Variants in TASP1 observed in about 807,000 individuals in gnomAD.
TASP1 encodes the protein threonine aspartase 1.
In TASP1, 16 loss-of-function variants were observed where a neutral mutation model predicts 56.6. The ratio of observed to expected loss-of-function variants is 0.28; its 90% confidence interval spans 0.19 to 0.43. The LOEUF is 0.43. TASP1 is among the 20% of genes least tolerant of loss of function. The pLI, the probability that TASP1 is intolerant of heterozygous loss-of-function variation, is 1.00. For synonymous variants in TASP1, 179 were observed against 184.2 expected, an observed-to-expected ratio of 0.97 and a Z score of 0.23; for missense variants, 393 against 511.6, an observed-to-expected ratio of 0.77 and a Z score of 2.24.
intron 10 of TASP1, among the ~76,000 whole-genome samples, chr20:13,499,735 T>C (rs903577358): frequency 6.8e-6 from 1 of 147,662 alleles, no homozygotes; most frequent in African/African-American, 2.4e-5. Flanking sequence ...TGTGAAATAA[T>C]AATGCTTGTT....
At chr20:13,142,563 T>G in the TASP1 span, among the ~76,000 whole-genome samples, 1 of 152,188 alleles carries the variant, frequency 6.6e-6, no homozygotes, top group Non-Finnish European at 1.5e-5. Flanking sequence ...AGATTGTATT[T>G]GCTTTCTATT....
At chr20:13,620,133 G>A (rs1480856205) in intron 4 of TASP1, among the ~76,000 whole-genome samples, 3 of 151,904 alleles carry the variant, frequency 2.0e-5, no homozygotes, top group Non-Finnish European at 4.4e-5. Context: ...GTCTTAAGAT[G>A]ACATCATTTG....
chr20:13,257,788 T>C, the TASP1 span, among the ~76,000 whole-genome samples: 50 of 152,036 alleles, frequency 3.3e-4, no homozygotes, highest in Middle Eastern at 0.014. Context: ...AAATCCACAG[T>C]GTACTGTGGG....
chr20:13,580,985 T>TTAA lies in TASP1; in HGVS notation c.404-5_404-4insTTA. 76 of 1,468,558 alleles carry TTAA rather than the reference T, an allele frequency of 5.2e-5. No individual in the cohort carries two copies. The highest frequency in any genetic ancestry group is 1.8e-4 in the Middle Eastern group (1 of 5,440). 91.0% of individuals were successfully genotyped at this position (1,468,558 alleles called of 1,614,324 possible). A position where few individuals can be genotyped will look rare whatever the true frequency, so the allele number is the denominator to read the frequency against. ...ACCGAGACTGGGTTCTTGATTCCTATAAAAAAAAAAAAAAAATTGGCAAAA... is the reference window on the plus strand; with the variant it reads ...ACCGAGACTGGGTTCTTGATTCCTATTAAAAAAAAAAAAAAAAAATTGGCAAAA... On this transcript the variant is annotated splice_region_variant and splice_polypyrimidine_tract_variant and intron_variant, in intron 5 of 13. Coordinates refer to ENST00000337743, the MANE Select transcript of TASP1 (RefSeq NM_017714.3).
intron 5 of TASP1, among the ~76,000 whole-genome samples, chr20:13,583,532 G>A (rs955580342): frequency 3.3e-5 from 5 of 152,110 alleles, no homozygotes; most frequent in African/African-American, 1.2e-4. Flanking sequence ...TTTAAACTAT[G>A]GTATGGTTTC....
At chr20:13,617,227 G>C (rs768914087) in intron 4 of TASP1, 2 of 230,936 alleles carry the variant, frequency 8.7e-6, no homozygotes, top group Non-Finnish European at 1.8e-5. Flanking sequence ...TAAACAGACA[G>C]GCAAAATAGG....
the TASP1 span, among the ~76,000 whole-genome samples, chr20:13,258,133 C>T: frequency 1.3e-5 from 2 of 152,130 alleles, no homozygotes; most frequent in East Asian, 3.8e-4. Flanking sequence ...CCAAACATTC[C>T]GTTTACCTCT....
chr20:13,349,987 T>C, the TASP1 span, among the ~76,000 whole-genome samples: 1 of 152,148 alleles, frequency 6.6e-6, no homozygotes, highest in Non-Finnish European at 1.5e-5. Context: ...CCTGTCTCTA[T>C]AAGAAATTTA....
At chr20:13,117,016 T>G in the TASP1 span, among the ~76,000 whole-genome samples, 4 of 152,240 alleles carry the variant, frequency 2.6e-5, no homozygotes, top group African/African-American at 9.6e-5. Context: ...TAATTAACAC[T>G]ATGATGTCTT....
At chr20:13,278,287 A>G in the TASP1 span, among the ~76,000 whole-genome samples, 1 of 152,188 alleles carries the variant, frequency 6.6e-6, no homozygotes, top group Non-Finnish European at 1.5e-5. Flanking sequence ...ATCTGAGAAC[A>G]AGTTCTAGCT....
intron 13 of TASP1, among the ~76,000 whole-genome samples, chr20:13,407,358 C>T (rs2041961543): frequency 6.6e-6 from 1 of 152,096 alleles, no homozygotes; most frequent in Non-Finnish European, 1.5e-5. Flanking sequence ...CTTCTTTTAC[C>T]TAGAATAATG....
the TASP1 span, among the ~76,000 whole-genome samples, chr20:13,280,532 G>A: frequency 6.6e-6 from 1 of 152,162 alleles, no homozygotes; most frequent in Admixed American, 6.5e-5. Flanking sequence ...GAGTTGGGTA[G>A]GAGAACTCAG....
chr20:13,317,072 A>C, the TASP1 span, among the ~76,000 whole-genome samples: 1 of 152,106 alleles, frequency 6.6e-6, no homozygotes, highest in East Asian at 1.9e-4. Context: ...TCTGGAATTA[A>C]TAAGCAATTA....
chr20:13,117,761 G>T, the TASP1 span: 1 of 1,564,622 alleles, frequency 6.4e-7, no homozygotes, highest in South Asian at 1.2e-5. Flanking sequence ...TTTAAAACCT[G>T]AGCGCCCTGG....
At chr20:13,270,618 C>T in the TASP1 span, 6 of 1,613,970 alleles carry the variant, frequency 3.7e-6, no homozygotes, top group Admixed American at 5.0e-5. Flanking sequence ...CCCCAGACCG[C>T]GATTCCGACA....
intron 7 of TASP1, among the ~76,000 whole-genome samples, chr20:13,563,273 A>C (rs1244981120): frequency 6.6e-6 from 1 of 152,014 alleles, no homozygotes. Flanking sequence ...AATAACTAGT[A>C]AGGAGATTGA....
chr20:13,463,195 G>A (rs572818776), intron 11 of TASP1, among the ~76,000 whole-genome samples: 1 of 152,228 alleles, frequency 6.6e-6, no homozygotes, highest in South Asian at 2.1e-4. Context: ...ATAGAATAGA[G>A]AGCCCAGAAA....
the TASP1 span, among the ~76,000 whole-genome samples, chr20:13,213,410 T>A: frequency 6.6e-6 from 1 of 152,048 alleles, no homozygotes; most frequent in Non-Finnish European, 1.5e-5. Context: ...CAAAACAAAG[T>A]GAACAAAAAA....
At chr20:13,452,514 T>G (rs534110674) in intron 11 of TASP1, among the ~76,000 whole-genome samples, 2 of 152,032 alleles carry the variant, frequency 1.3e-5, no homozygotes, top group East Asian at 3.9e-4. Flanking sequence ...TTTTAAATTT[T>G]TATATATACA....
Sources: allele counts gnomAD v4.1 joint callset (sites outside exome capture counted in the v4.1 genomes callset), GRCh38; gene constraint gnomAD v4.1.1; transcripts MANE v1.5; gene names NCBI Gene and HGNC (gene_info 2026-07-23, HGNC 2026-07-21).